Variants in CYP4F3 observed in about 807,000 individuals in gnomAD.
CYP4F3 encodes cytochrome P450 family 4 subfamily F member 3.
CYP4F3 carries 50 observed loss-of-function variants against 54.8 expected under a neutral mutation model. The ratio of observed to expected loss-of-function variants is 0.91; its 90% CI spans 0.73 to 1.16. CYP4F3 has a LOEUF of 1.16. Ranked by LOEUF, CYP4F3 falls within the 50% of genes most tolerant of loss-of-function variation. The pLI is 0.00. For missense variants in CYP4F3, 715 were observed against 676.2 expected, an observed-to-expected ratio of 1.06 and a Z score of -0.64; for synonymous variants, 244 against 262.6, an observed-to-expected ratio of 0.93 and a Z score of 0.69.
intron 5 of CYP4F3, among the ~76,000 whole-genome samples, 173 bp from the exon 6 acceptor site, chr19:15,648,987 T>A (rs1168115579): frequency 6.6e-6 from 1 of 152,176 alleles, no homozygotes; most frequent in African/African-American, 2.4e-5. Flanking sequence ...TGGGTCTTCA[T>A]CTCTTAATAG....
chr19:15,649,287 T>G lies in CYP4F3; in HGVS notation c.647+6T>G, dbSNP rs1972717652. ...TTTGACAGCCATTGCCAGGAGTAAG[T>G]TCTTGCCCAGGGTCTGGGATCCTGG... On this transcript the variant is annotated splice_donor_region_variant and intron_variant, in intron 6 of 12. Coordinates refer to ENST00000221307, the MANE Select transcript of CYP4F3 (RefSeq NM_000896.3). The G allele has an allele frequency of 6.2e-7, 1 of 1,612,598 alleles. No homozygotes were observed. The highest frequency in any genetic ancestry group is 1.7e-5 in the Admixed American group (1 of 59,922).
At position 15,650,654 on chromosome 19, in the gene CYP4F3, C is replaced by A. The variant is rs985895079; in HGVS notation, c.918+471C>A. 2.5e-5 allele frequency among the ~76,000 whole-genome samples: 2 copies of A among 80,310 alleles called. 1 individual carries two copies. The highest frequency in any genetic ancestry group is 4.6e-5 in the Non-Finnish European group (2 of 43,396). 52.7% of individuals were successfully genotyped at this position (80,310 alleles called of 152,430 possible). A position where few individuals can be genotyped will look rare whatever the true frequency, so the allele number is the denominator to read the frequency against. On this transcript the variant is annotated intron_variant, in intron 7 of 12. Transcript: ENST00000221307. ...CCTTTGTGCTCTCCCTCCCTCCCTG[C>A]CTTCTTTTTCTTTCTTTCTTTCTTT...
In CYP4F3 at chr19:15,647,165, C is replaced by T. The variant is rs748026076; in HGVS notation, c.398-32C>T. On this transcript the variant is annotated intron_variant, in intron 4 of 12. Transcript: ENST00000221307. ...CCTGGGGGGCCAGGGGAGGGAGATG[C>T]CCTTGCCCATGGCCCTTGGCTGCCC... 79 of 1,614,078 alleles carry T rather than the reference C, an allele frequency of 4.9e-5. No homozygotes were observed. In the Admixed American group the frequency reaches 1.1e-3, roughly 22 times the overall value.
At chr19:15,653,673 T>C (rs1325995834) in intron 9 of CYP4F3, among the ~76,000 whole-genome samples, 1 of 148,820 alleles carries the variant, frequency 6.7e-6, no homozygotes, top group East Asian at 2.0e-4. Flanking sequence ...TTGGGTACAG[T>C]TGGGGAGCAG....
rs1973170779 is a variant in CYP4F3, at chr19:15,661,005, G to A, written c.*1620G>A. 1 of 152,140 alleles carries A rather than the reference G, an allele frequency of 6.6e-6. No individual in the cohort carries two copies. The highest frequency in any genetic ancestry group is 6.5e-5 in the Admixed American group (1 of 15,272). The allele number at this position is 152,140 out of a possible 1,614,324, so 9.4% of individuals were successfully genotyped here. A position where few individuals can be genotyped will look rare whatever the true frequency, so the allele number is the denominator to read the frequency against. The stretch of plus-strand genomic sequence containing the variant: ...GTGCTGGGATTACAGGCCCGGTCCA[G>A]TTTGATAGTTTGTTATCATGTTATA... On this transcript the variant is annotated 3_prime_UTR_variant, in exon 13 of 13. Transcript: ENST00000221307.
chr19:15,657,104 A>G (rs1280203195), intron 9 of CYP4F3, among the ~76,000 whole-genome samples: 2 of 152,068 alleles, frequency 1.3e-5, no homozygotes, highest in Admixed American at 6.6e-5. Flanking sequence ...GTGTAACTGT[A>G]TAGTATTCCA....
chr19:15,654,021 C>T (rs954833645), intron 9 of CYP4F3, among the ~76,000 whole-genome samples: 1 of 152,012 alleles, frequency 6.6e-6, no homozygotes, highest in Admixed American at 6.6e-5. Flanking sequence ...GGAGGGTGTA[C>T]TGGAGAGGAC....
At chr19:15,657,660 GTAT>G (rs28371495) in intron 9 of CYP4F3, among the ~76,000 whole-genome samples, 68,992 of 151,596 alleles carry the variant, frequency 0.46, 16,741 homozygotes, top group East Asian at 0.65. Flanking sequence ...TAGTACTATT[GTAT>G]TATTGAATTT....
In CYP4F3 at chr19:15,641,579, C is replaced by T. The variant is rs141735768; in HGVS notation, c.164C>T (p.Pro55Leu). 1.9e-5 allele frequency: 30 copies of T among 1,613,968 alleles called. No homozygotes were observed. The highest frequency in any genetic ancestry group is 5.5e-5 in the South Asian group (5 of 91,092). The change falls in exon 2 of 13, where the codon CCG (proline) becomes CTG (leucine). Residue 55 changes from proline to leucine, a missense_variant. Physicochemically the swap from Pro to Leu is moderately conservative, Grantham distance 98. Transcript: ENST00000221307. ...CCRLRCFPQP[P>L]KRNWFLGHLG... is the part of the protein sequence containing the mutation. Reference sequence around the variant, plus strand: ...CGCCTCCGGTGTTTCCCGCAACCCCCGAAACGGAATTGGTTCTTGGGTCAC... The same window carrying T: ...CGCCTCCGGTGTTTCCCGCAACCCCTGAAACGGAATTGGTTCTTGGGTCAC...
At chr19:15,647,641 T>C (rs1351084516) in intron 5 of CYP4F3, among the ~76,000 whole-genome samples, 2 of 152,222 alleles carry the variant, frequency 1.3e-5, no homozygotes, top group African/African-American at 2.4e-5. Context: ...TGAAAACTCA[T>C]TGGTTTAAAC....
chr19:15,650,354 C>A, intron 7 of CYP4F3, 171 bp downstream of exon 7: 1 of 1,284,276 alleles, frequency 7.8e-7, no homozygotes, highest in Non-Finnish European at 1.1e-6. Context: ...GGACTAGCAC[C>A]TACCAGGGGA....
intron 9 of CYP4F3, among the ~76,000 whole-genome samples, chr19:15,657,910 A>G (rs866599295): frequency 6.6e-6 from 1 of 151,634 alleles, no homozygotes; most frequent in Non-Finnish European, 1.5e-5. Flanking sequence ...TAACTTTTGG[A>G]GGGTACTTTT....
intron 9 of CYP4F3, among the ~76,000 whole-genome samples, chr19:15,656,780 C>CATCG (rs140145246): frequency 6.6e-6 from 1 of 150,512 alleles, no homozygotes. Context: ...TCCATCCATC[C>CATCG]ATGATCTATC....
Position 15,652,907 on chromosome 19 carries a change from A to G in CYP4F3, c.1070A>G (p.Glu357Gly). The change falls in exon 9 of 13, where the codon GAG becomes GGG. Residue 357 changes from glutamate (E) to glycine (G), a missense_variant. Glu to Gly is a moderately conservative substitution (Grantham distance 98). Coordinates refer to ENST00000221307, the MANE Select transcript of CYP4F3 (RefSeq NM_000896.3). Reference sequence around the variant, plus strand: ...GAATACCAGGAGCGCTGTCGGCAGGAGGTGCAAGAGCTTCTGAAGGACCGT... The same window carrying G: ...GAATACCAGGAGCGCTGTCGGCAGGGGGTGCAAGAGCTTCTGAAGGACCGT... ...HPEYQERCRQ[E>G]VQELLKDREP... The G allele has an allele frequency of 6.2e-7, 1 of 1,613,676 alleles. No individual in the cohort carries two copies.
intron 5 of CYP4F3, among the ~76,000 whole-genome samples, chr19:15,648,491 AGCGTGTT>A (rs1234302557): frequency 1.3e-5 from 2 of 152,132 alleles, no homozygotes. Context: ...TAAGAACATC[AGCGTGTT>A]GCATTTGTGA....
rs755869246 is a variant in CYP4F3 at position 15,650,170 on chromosome 19, T to C, written c.905T>C (p.Leu302Pro). Residue 302 changes from leucine (L) to proline (P), a missense_variant, in exon 7 of 13, where the codon CTC (leucine) becomes CCC (proline). Leu to Pro is a moderately conservative substitution (Grantham distance 98). Transcript: ENST00000221307. ...KSKTLDFIDV[L>P]LLSKDEDGKK... is the part of the protein sequence containing the mutation. ...AAGACTTTGGACTTCATTGATGTAC[T>C]CCTGCTGAGCAAGGTGGGCCTCTCT... The C allele has an allele frequency of 1.9e-6, 3 of 1,614,184 alleles. No homozygotes were observed. The Admixed American group carries it at 5.0e-5, about 27-fold the overall frequency.
chr19:15,642,397 C>T (rs780184770), intron 2 of CYP4F3, among the ~76,000 whole-genome samples: 2 of 152,166 alleles, frequency 1.3e-5, no homozygotes, highest in Non-Finnish European at 2.9e-5. Context: ...CCCCTAGTGA[C>T]TGCTGAGAAG....
chr19:15,643,422 A>ATAGC (rs1972531437), intron 2 of CYP4F3, among the ~76,000 whole-genome samples: 1 of 151,554 alleles, frequency 6.6e-6, no homozygotes, highest in African/African-American at 2.4e-5. Context: ...AGATAGATAG[A>ATAGC]TAGATAGATA....
In CYP4F3 at chr19:15,650,776, G is replaced by A. The variant is rs200943335; in HGVS notation, c.918+593G>A. 3.5e-4 allele frequency among the ~76,000 whole-genome samples: 9 copies of A among 25,740 alleles called. 1 individual carries two copies. The highest frequency in any genetic ancestry group is 1.5e-3 in the Admixed American group (3 of 2,048). 16.9% of individuals were successfully genotyped at this position (25,740 alleles called of 152,430 possible). ...ATCTTTCTTTCTTTCTTTTTCTTTC[G>A]TTCTTTCTTTCTTTCTTTCTTTCTC... is the stretch of plus-strand genomic sequence containing the variant. On this transcript the variant is annotated intron_variant, in intron 7 of 12. Coordinates refer to ENST00000221307, the MANE Select transcript of CYP4F3 (RefSeq NM_000896.3).
Sources: gnomAD v4.1 joint callset for allele counts (sites outside exome capture counted in the v4.1 genomes callset) on GRCh38, gnomAD v4.1.1 for gene constraint, MANE v1.5 for transcripts, NCBI Gene and HGNC (gene_info 2026-07-23, HGNC 2026-07-21) for gene names.